Variants in TMEM266 observed in about 807,000 individuals in gnomAD.
The protein encoded by TMEM266 is transmembrane protein 266.
In TMEM266, 33 loss-of-function variants were observed where a neutral mutation model predicts 50.5. The observed-to-expected ratio is 0.65, with a 90% CI of 0.50 to 0.87. The LOEUF is 0.87. Among genes scored for constraint, TMEM266 ranks in the 40% least tolerant of loss-of-function variants. The pLI, the probability that TMEM266 is intolerant of heterozygous loss-of-function variation, is 0.00. For missense variants in TMEM266, 655 were observed against 695.1 expected (o/e 0.94, Z 0.65); for synonymous variants, 310 against 292.3 (o/e 1.06, Z -0.62).
At chr15:76,104,505 G>A (rs932784802) in intron 1 of TMEM266, among the ~76,000 whole-genome samples, 9 of 152,140 alleles carry the variant, frequency 5.9e-5, no homozygotes, top group Non-Finnish European at 1.3e-4. Flanking sequence ...CCAGGGCAGC[G>A]GATGGAGAAA....
chr15:76,171,794 G>T (rs1008674713), intron 7 of TMEM266, among the ~76,000 whole-genome samples: 3 of 152,188 alleles, frequency 2.0e-5, no homozygotes, highest in African/African-American at 7.2e-5. Context: ...GGCCACTCTT[G>T]TCTGGAAAGC....
At chr15:76,123,836 C>A (rs2037379417) in intron 1 of TMEM266, among the ~76,000 whole-genome samples, 1 of 152,192 alleles carries the variant, frequency 6.6e-6, no homozygotes, top group African/African-American at 2.4e-5. Flanking sequence ...TCTCAGCCTC[C>A]TGAGTAGCTG....
In TMEM266 at chr15:76,195,013, C is replaced by T. The variant is rs772822358; in HGVS notation, c.958+2856C>T. 8.3e-4 allele frequency among the ~76,000 whole-genome samples: 127 copies of T among 152,170 alleles called. 5 individuals carry two copies. Among genetic ancestry groups the T allele is most frequent in the Non-Finnish European group, 3.1e-4 (21 of 68,026 alleles). On this transcript the variant is annotated intron_variant, in intron 9 of 10. Coordinates refer to ENST00000388942, the MANE Select transcript of TMEM266 (RefSeq NM_152335.3). ...TCTCCTTCCACCCCAGCTTGCCTTT[C>T]ATTCTAGAGGAATGGAACAACCTTT... is the stretch of plus-strand genomic sequence containing the variant.
At chr15:76,202,865 T>C (rs2038770641) in intron 10 of TMEM266, among the ~76,000 whole-genome samples, 1 of 152,192 alleles carries the variant, frequency 6.6e-6, no homozygotes, top group African/African-American at 2.4e-5. Flanking sequence ...ATTGTAAGGC[T>C]AGAATATTAT....
chr15:76,147,824 A>C (rs147722189), intron 3 of TMEM266, among the ~76,000 whole-genome samples: 1,535 of 152,290 alleles, frequency 0.01, 24 homozygotes, highest in African/African-American at 0.035. Flanking sequence ...TGAGGCCAGG[A>C]GTTGGAGACT....
chr15:76,070,369 T>G, intron 1 of TMEM266, among the ~76,000 whole-genome samples: 1 of 152,246 alleles, frequency 6.6e-6, no homozygotes, highest in East Asian at 1.9e-4. Context: ...TCATCACAAC[T>G]GTATCACATG....
chr15:76,174,512 T>C (rs2038241400), intron 7 of TMEM266, among the ~76,000 whole-genome samples: 2 of 152,176 alleles, frequency 1.3e-5, no homozygotes, highest in African/African-American at 4.8e-5. Flanking sequence ...GATCGCCCAC[T>C]GCACTCCAGC....
In TMEM266 at chr15:76,188,715, C is replaced by G. The variant is rs981936686; in HGVS notation, c.769-3253C>G. On this transcript the variant is annotated intron_variant, in intron 8 of 10. Transcript: ENST00000388942. ...AAGATTCAATCACCTCCCACTGGGT[C>G]CCTCCCACGACAAATGGGGATTATG... Among the ~76,000 whole-genome samples the G allele has an allele frequency of 1.5e-4, 23 of 152,184 alleles. 1 individual carries two copies. Among genetic ancestry groups the G allele is most frequent in the Admixed American group, 1.4e-3 (22 of 15,286 alleles).
At chr15:76,068,256 G>C (rs1393369678) in intron 1 of TMEM266, among the ~76,000 whole-genome samples, 1 of 152,208 alleles carries the variant, frequency 6.6e-6, no homozygotes, top group Non-Finnish European at 1.5e-5. Flanking sequence ...ATTACCTTTG[G>C]CTTGTTAATT....
In TMEM266 at chr15:76,163,261, C is replaced by T. The variant is rs535850821; in HGVS notation, c.456+3093C>T. ...ATGGGCTACTTTGCTCTGTGCTGGC[C>T]CCAGGCCATAGAGCTAGGCCCAGAG... On this transcript the variant is annotated intron_variant, in intron 5 of 10. Coordinates refer to ENST00000388942, the MANE Select transcript of TMEM266 (RefSeq NM_152335.3). Among the ~76,000 whole-genome samples the T allele has an allele frequency of 8.7e-4, 132 of 152,292 alleles. 1 individual carries two copies. The highest frequency in any genetic ancestry group is 3.0e-3 in the African/African-American group (126 of 41,564).
intron 1 of TMEM266, among the ~76,000 whole-genome samples, chr15:76,061,067 A>C (rs779844448): frequency 6.6e-6 from 1 of 152,216 alleles, no homozygotes; most frequent in Non-Finnish European, 1.5e-5. Context: ...TTTGAACAAC[A>C]GTGGGAAAAT....
intron 8 of TMEM266, among the ~76,000 whole-genome samples, chr15:76,188,301 C>T (rs1331482826): frequency 5.9e-5 from 9 of 152,206 alleles, no homozygotes; most frequent in African/African-American, 1.9e-4. Context: ...ACACGTCCTT[C>T]TTCACATGGC....
chr15:76,169,179 C>G (rs1002645152), intron 5 of TMEM266, among the ~76,000 whole-genome samples: 2 of 152,038 alleles, frequency 1.3e-5, no homozygotes, highest in Admixed American at 1.3e-4. Context: ...AGGGCACAAC[C>G]TAAAAGTTGT....
At chr15:76,159,028 G>T (rs1230472917) in intron 4 of TMEM266, among the ~76,000 whole-genome samples, 2 of 152,208 alleles carry the variant, frequency 1.3e-5, no homozygotes, top group Admixed American at 6.5e-5. Context: ...CCCTGGGGGG[G>T]GTTCTGAGCA....
intron 1 of TMEM266, among the ~76,000 whole-genome samples, chr15:76,079,390 C>T (rs112263801): frequency 0.018 from 2,607 of 147,626 alleles, 65 homozygotes; most frequent in African/African-American, 0.058. Flanking sequence ...GCAGGTCTCC[C>T]GGTTACTCTT....
intron 1 of TMEM266, among the ~76,000 whole-genome samples, chr15:76,085,892 C>T (rs2036769213): frequency 6.6e-6 from 1 of 151,834 alleles, no homozygotes; most frequent in African/African-American, 2.4e-5. Context: ...ACTAAAAATA[C>T]AAAAAATTTG....
In TMEM266 at chr15:76,204,002, C is replaced by G. The variant is rs765232679; in HGVS notation, c.1283C>G (p.Pro428Arg). Residue 428 changes from proline to arginine, a missense_variant, in exon 11 of 11, where the codon CCG becomes CGG. Pro to Arg is a moderately radical substitution (Grantham distance 103, BLOSUM62 -2). Around this residue, in one of 3 missense-constraint regions of TMEM266, gnomAD observed 455 missense variants for 401.8 expected, o/e 1.13. Coordinates refer to ENST00000388942, the MANE Select transcript of TMEM266 (RefSeq NM_152335.3). ...TCTGAGCCCGGCCCTTCTCCCCCGC[C>G]GCTGCCATCCCAGCAGCAGGTGGAG... 1 of 1,608,364 alleles carries G rather than the reference C, an allele frequency of 6.2e-7. No homozygotes were observed. The highest frequency in any genetic ancestry group is 1.7e-5 in the Admixed American group (1 of 59,828).
intron 8 of TMEM266, among the ~76,000 whole-genome samples, chr15:76,187,311 C>T (rs1168121919): frequency 1.3e-5 from 2 of 152,374 alleles, no homozygotes; most frequent in Non-Finnish European, 2.9e-5. Flanking sequence ...TCTTGGGCAG[C>T]TCCATATCAA....
intron 1 of TMEM266, among the ~76,000 whole-genome samples, chr15:76,107,221 T>C (rs1033831214): frequency 1.3e-5 from 2 of 152,212 alleles, no homozygotes. Context: ...TAGAAAATAT[T>C]GTCAATGAGA....
Sources: gnomAD v4.1 joint callset for allele counts (sites outside exome capture counted in the v4.1 genomes callset) on GRCh38, gnomAD v4.1.1 for gene constraint, gnomAD v4.1.1 regional missense constraint, MANE v1.5 for transcripts, NCBI Gene and HGNC (gene_info 2026-07-23, HGNC 2026-07-21) for gene names.